Variants in ATXN10 observed in about 807,000 individuals in gnomAD.
ATXN10 encodes the protein ataxin-10.
Under a neutral mutation model 52.9 loss-of-function variants are expected in ATXN10, and 28 were observed. The observed-to-expected ratio is 0.53, with a 90% CI of 0.39 to 0.73. ATXN10 has a LOEUF of 0.73. Ranked by LOEUF, ATXN10 falls within the 30% of genes least tolerant of loss-of-function variation. The probability of loss-of-function intolerance (pLI) is 0.00; values close to 1 mark genes in which losing one functional copy is unlikely to be tolerated. For synonymous variants in ATXN10, 226 were observed against 221.5 expected (o/e 1.02, Z -0.18); for missense variants, 565 against 577.0 (o/e 0.98, Z 0.21).
chr22:45,721,471 G>A lies in ATXN10; in HGVS notation c.728+2978G>A, dbSNP rs139730547. Among the ~76,000 whole-genome samples the A allele has an allele frequency of 3.7e-4, 57 of 152,292 alleles. 1 individual carries two copies. In the East Asian group the frequency reaches 8.7e-3, roughly 23 times the overall value. ...TGCCTGGCATGTAATGGTCACCCCC[G>A]TAAACGTGTTGCAGGGAAGAAGATA... On this transcript the variant is annotated intron_variant, in intron 6 of 11. Transcript: ENST00000252934.
At position 45,677,801 on chromosome 22, in the gene ATXN10, A is replaced by G. The variant is rs1398436585; in HGVS notation, c.116+5622A>G. Reference sequence around the variant, plus strand: ...GTTTAGGATGGCTATTATCCAAAAAATGGAAAAGAACAAGTATCGTTGAGG... The same window carrying G: ...GTTTAGGATGGCTATTATCCAAAAAGTGGAAAAGAACAAGTATCGTTGAGG... On this transcript the variant is annotated intron_variant, in intron 1 of 11. Transcript: ENST00000252934. This position sits in a 1 kb window ranked among gnomAD's most constrained non-coding sequence, Gnocchi z 4.1. 1 of 152,222 alleles carries G rather than the reference A, an allele frequency of 6.6e-6. No homozygotes were observed. Among genetic ancestry groups the G allele is most frequent in the Admixed American group, 6.5e-5 (1 of 15,284 alleles). The allele number at this position is 152,222 out of a possible 1,614,324, so 9.4% of individuals were successfully genotyped here.
In ATXN10 at chr22:45,702,441, G is replaced by A. The variant is rs75421563; in HGVS notation, c.489-248G>A. Among the ~76,000 whole-genome samples the A allele has an allele frequency of 3.0e-3, 450 of 152,126 alleles. 2 individuals carry two copies. Among genetic ancestry groups the A allele is most frequent in the South Asian group, 8.5e-3 (41 of 4,818 alleles). On this transcript the variant is annotated intron_variant, in intron 4 of 11. Coordinates refer to ENST00000252934, the MANE Select transcript of ATXN10 (RefSeq NM_013236.4). ...ATCATTCTAATCTTTTTCTCTAATGGTAAGTTATTTGCCTTTTGCCTTCTG... is the reference window on the plus strand; with the variant it reads ...ATCATTCTAATCTTTTTCTCTAATGATAAGTTATTTGCCTTTTGCCTTCTG...
rs555708171 is a variant in ATXN10, at chr22:45,790,137, G to T, written c.1174-16822G>T. On this transcript the variant is annotated intron_variant, in intron 9 of 11. Coordinates refer to ENST00000252934, the MANE Select transcript of ATXN10 (RefSeq NM_013236.4). The surrounding 1 kb of genome is among the most constrained non-coding windows in gnomAD (Gnocchi z 4.7). ...AAGTCCAATTCTCTTGCCCATGTGT[G>T]TTCAAATAAATTGAAATTCAAAATA... Among the ~76,000 whole-genome samples, 10 of 152,268 alleles carry T rather than the reference G, an allele frequency of 6.6e-5. No homozygotes were observed. In the East Asian group the frequency reaches 1.9e-3, roughly 29 times the overall value.
chr22:45,763,833 GTGGGCTCACTGAGTGAGCTGGTGAGCA>G lies in ATXN10; in HGVS notation c.1173+23302_1173+23328del, dbSNP rs1662768354. Reference sequence around the variant, plus strand: ...GGGAACAGCATAGCATGGTGGTGGAGTGGGCTCACTGAGTGAGCTGGTGAGCATGGGCTGTCTTGAGGTGCCGGCTGT... The same window carrying G: ...GGGAACAGCATAGCATGGTGGTGGAGTGGGCTGTCTTGAGGTGCCGGCTGT... On this transcript the variant is annotated intron_variant, in intron 9 of 11. Transcript: ENST00000252934. This position sits in a 1 kb window ranked among gnomAD's most constrained non-coding sequence, Gnocchi z 6.9. Among the ~76,000 whole-genome samples the G allele has an allele frequency of 6.6e-6, 1 of 152,236 alleles. No homozygotes were observed. The highest frequency in any genetic ancestry group is 2.4e-5 in the African/African-American group (1 of 41,460).
chr22:45,757,265 G>A lies in ATXN10; in HGVS notation c.1173+16727G>A, dbSNP rs564482885. On this transcript the variant is annotated intron_variant, in intron 9 of 11. Transcript: ENST00000252934. This position sits in a 1 kb window ranked among gnomAD's most constrained non-coding sequence, Gnocchi z 4.6. The stretch of plus-strand genomic sequence containing the variant: ...CTTTGCCTGTTGGAATTCCAACCCT[G>A]GCGACTTTCAGCTACACCCTCCTCC... 2.6e-5 allele frequency among the ~76,000 whole-genome samples: 4 copies of A among 152,178 alleles called. No homozygotes were observed. Among genetic ancestry groups the A allele is most frequent in the Admixed American group, 6.5e-5 (1 of 15,284 alleles).
At chr22:45,698,480 G>T (rs1923708652) in intron 3 of ATXN10, among the ~76,000 whole-genome samples, 1 of 152,166 alleles carries the variant, frequency 6.6e-6, no homozygotes, top group Non-Finnish European at 1.5e-5. Context: ...ATTTCTTGTA[G>T]AGTTGTAAAG....
chr22:45,782,076 C>T (rs372927793), intron 9 of ATXN10, among the ~76,000 whole-genome samples: 4 of 152,292 alleles, frequency 2.6e-5, no homozygotes, highest in Admixed American at 2.0e-4. Flanking sequence ...AAGAGTGGAT[C>T]GAGTTTCCTT....
chr22:45,814,142 C>A (rs149499258), intron 10 of ATXN10, among the ~76,000 whole-genome samples: 46 of 152,264 alleles, frequency 3.0e-4, no homozygotes, highest in Non-Finnish European at 5.3e-4. Context: ...TGGTTATTAT[C>A]TTGGATTGGG....
At chr22:45,776,302 C>T (rs773136393) in intron 9 of ATXN10, among the ~76,000 whole-genome samples, 1 of 152,136 alleles carries the variant, frequency 6.6e-6, no homozygotes, top group Admixed American at 6.5e-5. Flanking sequence ...ATAGCACTTT[C>T]CATTCTATAA....
intron 10 of ATXN10, among the ~76,000 whole-genome samples, chr22:45,832,387 C>A (rs1929023230): frequency 6.6e-6 from 1 of 152,248 alleles, no homozygotes; most frequent in Non-Finnish European, 1.5e-5. Flanking sequence ...CTCCTCAGCT[C>A]TCCAGGGGTC....
At chr22:45,724,788 T>C (rs1924802989) in intron 6 of ATXN10, among the ~76,000 whole-genome samples, 1 of 152,226 alleles carries the variant, frequency 6.6e-6, no homozygotes. Context: ...ATTTTTATGG[T>C]TTCTGGTCTA....
intron 9 of ATXN10, among the ~76,000 whole-genome samples, chr22:45,742,854 G>C (rs762419237): frequency 1.3e-5 from 2 of 152,084 alleles, no homozygotes; most frequent in Non-Finnish European, 2.9e-5. Context: ...GAAATTACTG[G>C]ACTGATTTTT....
chr22:45,740,611 T>C, intron 9 of ATXN10, 73 bp downstream of exon 9: 1 of 1,479,466 alleles, frequency 6.8e-7, no homozygotes, highest in African/African-American at 1.4e-5. Context: ...AGACATTCAC[T>C]CTTTTGGAGT....
chr22:45,758,606 C>G (rs1378811045), intron 9 of ATXN10, among the ~76,000 whole-genome samples: 1 of 152,234 alleles, frequency 6.6e-6, no homozygotes, highest in Non-Finnish European at 1.5e-5. Flanking sequence ...CATGCTCTGA[C>G]AGCTATCTTT....
chr22:45,687,409 G>A (rs966559964), intron 1 of ATXN10, among the ~76,000 whole-genome samples: 10 of 152,146 alleles, frequency 6.6e-5, no homozygotes, highest in African/African-American at 1.9e-4. Context: ...GACCATTCAC[G>A]GGGGAAAGGT....
At chr22:45,793,059 G>T (rs556708508) in intron 9 of ATXN10, 1 of 258,852 alleles carries the variant, frequency 3.9e-6, no homozygotes. Context: ...TCTCAGGACC[G>T]TGGTCACCAG....
intron 9 of ATXN10, among the ~76,000 whole-genome samples, chr22:45,791,609 T>C (rs1231700865): frequency 1.3e-5 from 2 of 152,254 alleles, no homozygotes; most frequent in African/African-American, 2.4e-5. Flanking sequence ...AATCTATTCT[T>C]GCATTTTTGA....
At chr22:45,765,117 T>C (rs189803693) in intron 9 of ATXN10, among the ~76,000 whole-genome samples, 272 of 152,316 alleles carry the variant, frequency 1.8e-3, no homozygotes, top group Non-Finnish European at 3.1e-3. Context: ...GCGTGAAGTA[T>C]GCCCCTGTGG....
At chr22:45,729,379 A>T (rs988074604) in intron 6 of ATXN10, 46 bp from the exon 7 acceptor site, 2 of 1,593,516 alleles carry the variant, frequency 1.3e-6, no homozygotes, top group Non-Finnish European at 8.6e-7. Flanking sequence ...AGCATTGTAT[A>T]ATTTAAGTAT....
Sources: gnomAD v4.1 joint callset for allele counts (sites outside exome capture counted in the v4.1 genomes callset) on GRCh38, gnomAD v4.1.1 for gene constraint, Gnocchi (gnomAD v3.1) non-coding constraint, MANE v1.5 for transcripts, NCBI Gene and HGNC (gene_info 2026-07-23, HGNC 2026-07-21) for gene names.